The following DNAAF9 variants were observed in gnomAD, a reference collection of about 807,000 sequenced individuals.
The protein encoded by DNAAF9 is shulin.
In DNAAF9, 90 loss-of-function variants were observed where a neutral mutation model predicts 167.0. The ratio of observed to expected loss-of-function variants is 0.54; its 90% confidence interval spans 0.45 to 0.64. DNAAF9 has a LOEUF of 0.64. DNAAF9 is among the 30% of genes least tolerant of loss of function. The probability of loss-of-function intolerance (pLI) is 0.00; values close to 1 mark genes in which losing one functional copy is unlikely to be tolerated. For synonymous variants in DNAAF9, 491 were observed against 508.8 expected, an observed-to-expected ratio of 0.96 and a Z score of 0.47; for missense variants, 1,315 against 1,442.2, an observed-to-expected ratio of 0.91 and a Z score of 1.43.
intron 6 of DNAAF9, among the ~76,000 whole-genome samples, chr20:3,372,682 C>T (rs2083526290): frequency 6.6e-6 from 1 of 152,188 alleles, no homozygotes; most frequent in Non-Finnish European, 1.5e-5. Flanking sequence ...GGAGCACAGG[C>T]TCTGAAACCA....
chr20:3,375,166 A>G, intron 4 of DNAAF9, 40 bp from the exon 5 acceptor site: 2 of 1,171,484 alleles, frequency 1.7e-6, no homozygotes, highest in Non-Finnish European at 2.6e-6. Flanking sequence ...CTCTGATGAG[A>G]TATCACACAA....
Position 3,355,710 on chromosome 20 carries a change from T to C in DNAAF9, c.690+3806A>G, listed in dbSNP as rs537671659. 1.8e-4 allele frequency among the ~76,000 whole-genome samples: 28 copies of C among 152,350 alleles called. No homozygotes were observed. In the South Asian group the frequency reaches 2.9e-3, roughly 16 times the overall value. ...AATTACACTAGTAGATTTCCAGATA[T>C]TGAACTAAATATAGAACCTTTAATA... On this transcript the variant is annotated intron_variant, in intron 7 of 36. Transcript: ENST00000252032.
chr20:3,366,729 A>T (rs1423548625), intron 6 of DNAAF9, among the ~76,000 whole-genome samples: 1 of 152,116 alleles, frequency 6.6e-6, no homozygotes, highest in Non-Finnish European at 1.5e-5. Flanking sequence ...GTTCAAGACC[A>T]GTCCTGGCAA....
chr20:3,261,393 G>T (rs991417028), intron 31 of DNAAF9, among the ~76,000 whole-genome samples: 1 of 150,816 alleles, frequency 6.6e-6, no homozygotes, highest in Non-Finnish European at 1.5e-5. Flanking sequence ...TTTTGAGATG[G>T]TGTCTTGCTC....
intron 7 of DNAAF9, among the ~76,000 whole-genome samples, chr20:3,349,361 G>A (rs891019940): frequency 6.6e-6 from 1 of 152,054 alleles, no homozygotes; most frequent in Non-Finnish European, 1.5e-5. Flanking sequence ...CAGCCTGGGT[G>A]ACAGAACGAG....
chr20:3,402,326 C>T (rs569584833), intron 1 of DNAAF9, among the ~76,000 whole-genome samples: 4 of 151,614 alleles, frequency 2.6e-5, no homozygotes, highest in Admixed American at 6.6e-5. Context: ...ATATACATTG[C>T]GGAAAAGTTA....
At chr20:3,288,720 C>T (rs2068896621) in intron 26 of DNAAF9, among the ~76,000 whole-genome samples, 1 of 152,118 alleles carries the variant, frequency 6.6e-6, no homozygotes, top group Non-Finnish European at 1.5e-5. Flanking sequence ...ACACCTGGTT[C>T]AATCTGCAAG....
intron 6 of DNAAF9, among the ~76,000 whole-genome samples, chr20:3,363,457 C>A (rs6051793): frequency 6.7e-6 from 1 of 149,258 alleles, no homozygotes; most frequent in Admixed American, 6.7e-5. Context: ...GAGTGAGACT[C>A]CGTCTCAAAA....
chr20:3,343,840 C>CGTGTGT (rs10582105), intron 8 of DNAAF9, 109 bp from the exon 9 acceptor site: 1 of 652,926 alleles, frequency 1.5e-6, no homozygotes. Flanking sequence ...GAGTGCACAG[C>CGTGTGT]GTGTGTGTGT....
At chr20:3,340,393 A>T in intron 10 of DNAAF9, 111 bp downstream of exon 10, 1 of 863,258 alleles carries the variant, frequency 1.2e-6, no homozygotes, top group Non-Finnish European at 1.8e-6. Flanking sequence ...ATTCAGGGTT[A>T]AATCAACACA....
intron 34 of DNAAF9, among the ~76,000 whole-genome samples, chr20:3,255,560 A>C (rs1200586726): frequency 6.6e-6 from 1 of 152,108 alleles, no homozygotes; most frequent in Non-Finnish European, 1.5e-5. Flanking sequence ...CTTATCCCTC[A>C]ACCCTACCAA....
intron 8 of DNAAF9, among the ~76,000 whole-genome samples, chr20:3,348,220 C>A (rs565936010): frequency 6.6e-6 from 1 of 152,172 alleles, no homozygotes; most frequent in African/African-American, 2.4e-5. Context: ...GTTATACTGA[C>A]AAAGGTGTGC....
intron 21 of DNAAF9, 105 bp downstream of exon 21, chr20:3,304,335 T>C: frequency 1.4e-6 from 1 of 713,438 alleles, no homozygotes; most frequent in Non-Finnish European, 2.5e-6. Flanking sequence ...GTTCCTGACA[T>C]ACTGCCCTGT....
intron 23 of DNAAF9, among the ~76,000 whole-genome samples, chr20:3,295,048 T>C (rs1027606979): frequency 2.0e-5 from 3 of 152,110 alleles, no homozygotes; most frequent in Non-Finnish European, 4.4e-5. Context: ...TGTTTGTATT[T>C]TTAGTAGAGA....
chr20:3,286,809 C>T (rs1205811864), intron 27 of DNAAF9, among the ~76,000 whole-genome samples: 2 of 152,200 alleles, frequency 1.3e-5, no homozygotes, highest in Non-Finnish European at 2.9e-5. Context: ...AAACAACTAG[C>T]CAATTGCAAA....
chr20:3,397,076 G>A (rs967701548), intron 1 of DNAAF9, among the ~76,000 whole-genome samples: 3 of 152,020 alleles, frequency 2.0e-5, no homozygotes, highest in Admixed American at 1.3e-4. Context: ...GCAAAATCCC[G>A]TCTCTACAAA....
chr20:3,315,922 G>GTGTGT lies in DNAAF9; in HGVS notation c.1540-138_1540-137insACACA. The stretch of plus-strand genomic sequence containing the variant: ...CCATGTCCATGTCCAGTGCTCTCAG[G>GTGTGT]CCCTGACACACCTGAGATGTCTGCT... On this transcript the variant is annotated intron_variant, in intron 18 of 36. Transcript: ENST00000252032. The surrounding 1 kb of genome is among the most constrained non-coding windows in gnomAD (Gnocchi z 4.1). 1 of 735,386 alleles carries GTGTGT rather than the reference G, an allele frequency of 1.4e-6. No individual in the cohort carries two copies. The highest frequency in any genetic ancestry group is 2.4e-6 in the Non-Finnish European group (1 of 408,496). The allele number at this position is 735,386 out of a possible 1,614,324, so 45.6% of individuals were successfully genotyped here. A position where few individuals can be genotyped will look rare whatever the true frequency, so the allele number is the denominator to read the frequency against.
chr20:3,382,284 A>G (rs1004312097), intron 2 of DNAAF9, 143 bp downstream of exon 2: 2 of 664,502 alleles, frequency 3.0e-6, no homozygotes, highest in South Asian at 1.8e-5. Context: ...TCATTAAAAC[A>G]GCAACAAATT....
At position 3,324,980 on chromosome 20, in the gene DNAAF9, T is replaced by G. The variant is rs1600787023; in HGVS notation, c.1189-12A>C. 1.3e-6 allele frequency: 2 copies of G among 1,512,046 alleles called. No homozygotes were observed. The allele number at this position is 1,512,046 out of a possible 1,614,324, so 93.7% of individuals were successfully genotyped here. On this transcript the variant is annotated splice_polypyrimidine_tract_variant and intron_variant, in intron 13 of 36. Transcript: ENST00000252032. Reference sequence around the variant, plus strand: ...GCTACCTCCTTGGCCTGTAAAATAATAAGACAGCGACAATTAGCTTTCACA... The same window carrying G: ...GCTACCTCCTTGGCCTGTAAAATAAGAAGACAGCGACAATTAGCTTTCACA...
Sources: allele counts gnomAD v4.1 joint callset (sites outside exome capture counted in the v4.1 genomes callset), GRCh38; gene constraint gnomAD v4.1.1; non-coding constraint Gnocchi (gnomAD v3.1); transcripts MANE v1.5; gene names NCBI Gene and HGNC (gene_info 2026-07-23, HGNC 2026-07-21).